Variants in QKI observed in about 807,000 individuals in gnomAD.
The protein encoded by QKI is KH domain-containing RNA-binding protein QKI.
Under a neutral mutation model 39.0 loss-of-function variants are expected in QKI, and 10 were observed. The observed-to-expected ratio is 0.26, with a 90% CI of 0.16 to 0.43. The LOEUF (loss-of-function observed/expected upper bound fraction) is 0.43. QKI is among the 20% of genes least tolerant of loss of function. The pLI is 1.00. For synonymous variants in QKI, 204 were observed against 155.4 expected (o/e 1.31, Z -2.33); for missense variants, 218 against 428.0 (o/e 0.51, Z 4.33).
At chr6:163,434,490 C>A (rs1005648248) in intron 1 of QKI, among the ~76,000 whole-genome samples, 1 of 151,874 alleles carries the variant, frequency 6.6e-6, no homozygotes, top group Non-Finnish European at 1.5e-5. Context: ...CTGAGGCGGG[C>A]GGATCATGAG....
chr6:163,458,061 T>A (rs1357956230), intron 2 of QKI, among the ~76,000 whole-genome samples: 4 of 152,060 alleles, frequency 2.6e-5, no homozygotes, highest in Non-Finnish European at 5.9e-5. Context: ...GGCAGGAATG[T>A]GCTTGGGAAG....
At chr6:163,510,779 T>C (rs983554086) in intron 3 of QKI, among the ~76,000 whole-genome samples, 1 of 152,172 alleles carries the variant, frequency 6.6e-6, no homozygotes, top group Non-Finnish European at 1.5e-5. Context: ...AGTGTATATT[T>C]ATTTAATGCA....
Position 163,415,025 on chromosome 6 carries a change from GC to G in QKI, c.-168del. ...AAGTGCCTGCGGGGGGCGGGCGAGCGCGCGGTGCCGGCCGCCCCGGGGCTCG... is the reference window on the plus strand; with the variant it reads ...AAGTGCCTGCGGGGGGCGGGCGAGCGGCGGTGCCGGCCGCCCCGGGGCTCG... On this transcript the variant is annotated 5_prime_UTR_variant, in exon 1 of 8. Transcript: ENST00000361752. 1 of 600,982 alleles carries G rather than the reference GC, an allele frequency of 1.7e-6. No homozygotes were observed. Among genetic ancestry groups the G allele is most frequent in the Non-Finnish European group, 2.1e-6 (1 of 481,494 alleles). 37.2% of individuals were successfully genotyped at this position (600,982 alleles called of 1,614,324 possible). A position where few individuals can be genotyped will look rare whatever the true frequency, so the allele number is the denominator to read the frequency against.
chr6:163,561,849 G>C, intron 4 of QKI, 133 bp from the exon 5 acceptor site: 1 of 571,874 alleles, frequency 1.7e-6, no homozygotes, highest in Non-Finnish European at 2.9e-6. Flanking sequence ...TTTGGTTCTT[G>C]ATCTTTTTTT....
chr6:163,550,936 G>A (rs1161790559), intron 4 of QKI, among the ~76,000 whole-genome samples: 1 of 115,348 alleles, frequency 8.7e-6, no homozygotes, highest in South Asian at 3.2e-4. Flanking sequence ...GACAGAGCAA[G>A]ACTCTGTCTC....
chr6:163,456,273 T>C (rs915235885), intron 2 of QKI, among the ~76,000 whole-genome samples: 5 of 152,182 alleles, frequency 3.3e-5, no homozygotes, highest in Non-Finnish European at 5.9e-5. Context: ...CAATAGCACT[T>C]ATAATCGGGC....
At chr6:163,452,321 TTCCC>T (rs1354620658) in intron 1 of QKI, among the ~76,000 whole-genome samples, 1 of 152,240 alleles carries the variant, frequency 6.6e-6, no homozygotes, top group African/African-American at 2.4e-5. Context: ...TACCTTTTCA[TTCCC>T]ATCATTACTA....
At chr6:163,556,337 A>G (rs1053738910) in intron 4 of QKI, among the ~76,000 whole-genome samples, 5 of 152,048 alleles carry the variant, frequency 3.3e-5, no homozygotes, top group Admixed American at 3.3e-4. Flanking sequence ...ACATGGTGAA[A>G]CCGCATCTCT....
At chr6:163,566,083 G>T in intron 6 of QKI, 1 of 1,531,128 alleles carries the variant, frequency 6.5e-7, no homozygotes, top group South Asian at 1.2e-5. Context: ...TGACTTACTT[G>T]CACTTTTTGC....
At chr6:163,495,812 ATGT>A (rs1778372236) in intron 3 of QKI, among the ~76,000 whole-genome samples, 1 of 152,116 alleles carries the variant, frequency 6.6e-6, no homozygotes, top group African/African-American at 2.4e-5. Context: ...TTAAAAAGTG[ATGT>A]TGTGTCCTTC....
Position 163,488,193 on chromosome 6 carries a change from A to G in QKI, c.402+9297A>G, listed in dbSNP as rs903729575. Among the ~76,000 whole-genome samples the G allele has an allele frequency of 7.6e-4, 115 of 152,154 alleles. 3 individuals are homozygous for G. Among genetic ancestry groups the G allele is most frequent in the Admixed American group, 5.2e-4 (8 of 15,268 alleles). ...TCACATTGACTTCTAAATCTTTTCA[A>G]CATAATCCTAGTAGATGGGAATAGT... On this transcript the variant is annotated intron_variant, in intron 3 of 7. Transcript: ENST00000361752.
chr6:163,510,251 A>C (rs1779364085), intron 3 of QKI, among the ~76,000 whole-genome samples: 1 of 144,744 alleles, frequency 6.9e-6, no homozygotes. Context: ...TAATAATAAT[A>C]ATAATAATAA....
At chr6:163,417,446 A>G (rs1434207452) in intron 1 of QKI, among the ~76,000 whole-genome samples, 1 of 152,166 alleles carries the variant, frequency 6.6e-6, no homozygotes, top group Non-Finnish European at 1.5e-5. Flanking sequence ...AAAGCTGCAT[A>G]CTTTTGCGTT....
At chr6:163,551,213 C>T (rs1782219378) in intron 4 of QKI, among the ~76,000 whole-genome samples, 1 of 152,138 alleles carries the variant, frequency 6.6e-6, no homozygotes, top group African/African-American at 2.4e-5. Context: ...AGGGATTCCT[C>T]CTCACCACCA....
At chr6:163,468,209 A>T (rs534531031) in intron 2 of QKI, among the ~76,000 whole-genome samples, 1 of 152,136 alleles carries the variant, frequency 6.6e-6, no homozygotes, top group Non-Finnish European at 1.5e-5. Flanking sequence ...ATAATGAAAG[A>T]TTTGTAAGGC....
At chr6:163,566,517 A>G in intron 6 of QKI, 1 of 1,398,418 alleles carries the variant, frequency 7.2e-7, no homozygotes, top group Non-Finnish European at 9.3e-7. Context: ...AAGGCCCAAG[A>G]TGTTTGAAAT....
chr6:163,526,919 G>A (rs1446576858), intron 3 of QKI, among the ~76,000 whole-genome samples: 1 of 152,170 alleles, frequency 6.6e-6, no homozygotes, highest in East Asian at 1.9e-4. Context: ...AAAATTGGAA[G>A]ACATACCTGG....
At chr6:163,458,639 T>C (rs57292071) in intron 2 of QKI, among the ~76,000 whole-genome samples, 4,314 of 152,222 alleles carry the variant, frequency 0.028, 198 homozygotes, top group African/African-American at 0.098. Context: ...GAAACTGATA[T>C]GAGAAGAAAG....
At chr6:163,549,576 G>T (rs1474266411) in intron 4 of QKI, among the ~76,000 whole-genome samples, 1 of 152,094 alleles carries the variant, frequency 6.6e-6, no homozygotes, top group African/African-American at 2.4e-5. Context: ...GTTGGGCATG[G>T]TGACGCACAC....
Sources: allele counts gnomAD v4.1 joint callset (sites outside exome capture counted in the v4.1 genomes callset), GRCh38; gene constraint gnomAD v4.1.1; transcripts MANE v1.5; gene names NCBI Gene and HGNC (gene_info 2026-07-23, HGNC 2026-07-21).